Variants in DAPK1 observed in about 807,000 individuals in gnomAD.
DAPK1 encodes the protein death associated protein kinase 1, also known as death-associated protein kinase 1.
Under a neutral mutation model 144.9 loss-of-function variants are expected in DAPK1, and 56 were observed. The observed-to-expected ratio is 0.39, with a 90% CI of 0.31 to 0.48. The LOEUF (loss-of-function observed/expected upper bound fraction) is 0.48. Ranked by LOEUF, DAPK1 falls within the 20% of genes least tolerant of loss-of-function variation. The probability of loss-of-function intolerance (pLI) is 0.95; values close to 1 mark genes in which losing one functional copy is unlikely to be tolerated. For synonymous variants in DAPK1, 690 were observed against 749.0 expected, an observed-to-expected ratio of 0.92 and a Z score of 1.29; for missense variants, 1,454 against 1,875.4, an observed-to-expected ratio of 0.78 and a Z score of 4.15.
At chr9:87,589,507 A>C (rs1265913996) in intron 2 of DAPK1, among the ~76,000 whole-genome samples, 1 of 151,618 alleles carries the variant, frequency 6.6e-6, no homozygotes, top group Non-Finnish European at 1.5e-5. Flanking sequence ...GGGAGATTAC[A>C]CTTGTGTCAT....
At chr9:87,541,786 A>G (rs1213805338) in intron 2 of DAPK1, among the ~76,000 whole-genome samples, 1 of 152,182 alleles carries the variant, frequency 6.6e-6, no homozygotes, top group Non-Finnish European at 1.5e-5. Context: ...AGCAACAGAT[A>G]TTATGGTGAC....
At chr9:87,579,661 C>A (rs1827683288) in intron 2 of DAPK1, among the ~76,000 whole-genome samples, 1 of 152,096 alleles carries the variant, frequency 6.6e-6, no homozygotes, top group African/African-American at 2.4e-5. Flanking sequence ...TCTACTCTGG[C>A]CACACATTTA....
rs1297545523 is a variant in DAPK1 at position 87,699,363 on chromosome 9, TGCAACC to T, written c.2750+570_2750+575del. Among the ~76,000 whole-genome samples, 21 of 152,314 alleles carry T rather than the reference TGCAACC, an allele frequency of 1.4e-4. No homozygotes were observed. In the East Asian group the frequency reaches 3.9e-3, roughly 28 times the overall value. On this transcript the variant is annotated intron_variant, in intron 23 of 25. Coordinates refer to ENST00000408954, the MANE Select transcript of DAPK1 (RefSeq NM_004938.4). ...AATCAGTATGTCTTACAATATAAGT[TGCAACC>T]TACTAGTGAGTCTTAAAATTCATTT...
At chr9:87,498,697 C>T in intron 1 of DAPK1, 1 of 403,230 alleles carries the variant, frequency 2.5e-6, no homozygotes, top group Non-Finnish European at 4.4e-6. Context: ...CAGTCACTTC[C>T]GGAGCCGGTT....
At chr9:87,654,640 A>G (rs1830571747) in intron 17 of DAPK1, among the ~76,000 whole-genome samples, 1 of 152,170 alleles carries the variant, frequency 6.6e-6, no homozygotes, top group Non-Finnish European at 1.5e-5. Flanking sequence ...GTGTAATATG[A>G]AGTAGCATCA....
Position 87,497,938 on chromosome 9 carries a change from C to T in DAPK1, c.-278C>T, listed in dbSNP as rs1275993507. ...CTTTGTTCCCTCCGCGGAGGGGACT[C>T]GGCAACTCGCAGCGGCAGGGTCTGG... is the stretch of plus-strand genomic sequence containing the variant. On this transcript the variant is annotated 5_prime_UTR_variant, in exon 1 of 26. Coordinates refer to ENST00000408954, the MANE Select transcript of DAPK1 (RefSeq NM_004938.4). The T allele has an allele frequency of 7.6e-6, 3 of 396,384 alleles. No individual in the cohort carries two copies. Among genetic ancestry groups the T allele is most frequent in the Non-Finnish European group, 1.3e-5 (3 of 225,212 alleles). The allele number at this position is 396,384 out of a possible 1,614,324, so 24.6% of individuals were successfully genotyped here.
At chr9:87,694,190 C>A (rs574810948) in intron 21 of DAPK1, among the ~76,000 whole-genome samples, 1 of 152,160 alleles carries the variant, frequency 6.6e-6, no homozygotes, top group Non-Finnish European at 1.5e-5. Context: ...GCAATCTGTG[C>A]TGATGTTGGC....
intron 21 of DAPK1, among the ~76,000 whole-genome samples, chr9:87,696,377 T>A (rs1030043965): frequency 6.6e-6 from 1 of 152,236 alleles, no homozygotes; most frequent in Non-Finnish European, 1.5e-5. Context: ...ATGCTGTAGA[T>A]ATGTACGCGT....
chr9:87,551,802 C>T (rs1157707647), intron 2 of DAPK1, among the ~76,000 whole-genome samples: 3 of 152,104 alleles, frequency 2.0e-5, no homozygotes, highest in Admixed American at 6.5e-5. Context: ...AGAGAGTCAC[C>T]GTAGAGCCCA....
chr9:87,535,552 T>C (rs36231153), intron 2 of DAPK1, among the ~76,000 whole-genome samples: 28 of 152,308 alleles, frequency 1.8e-4, no homozygotes, highest in Admixed American at 6.5e-4. Flanking sequence ...TCCTTTAATG[T>C]AATACTGTCT....
Position 87,499,245 on chromosome 9 carries a change from C to G in DAPK1, c.62+106C>G, listed in dbSNP as rs544012919. The stretch of plus-strand genomic sequence containing the variant: ...GTTTGAATCAGGCGTCTCCCTCGCC[C>G]TTTCTGGAGATGCGCAAATCATAGA... On this transcript the variant is annotated intron_variant, in intron 2 of 25. Transcript: ENST00000408954. 8.4e-5 allele frequency: 85 copies of G among 1,011,506 alleles called. No individual in the cohort carries two copies. In the East Asian group the frequency reaches 2.1e-3, roughly 25 times the overall value. 62.7% of individuals were successfully genotyped at this position (1,011,506 alleles called of 1,614,324 possible).
intron 2 of DAPK1, among the ~76,000 whole-genome samples, chr9:87,535,732 T>G (rs368734859): frequency 2.0e-5 from 3 of 152,286 alleles, no homozygotes; most frequent in African/African-American, 7.2e-5. Flanking sequence ...AATCATTAGA[T>G]AAATATATAT....
intron 2 of DAPK1, among the ~76,000 whole-genome samples, chr9:87,522,457 C>T (rs1825333141): frequency 6.6e-6 from 1 of 152,070 alleles, no homozygotes; most frequent in Non-Finnish European, 1.5e-5. Flanking sequence ...GTTTTTTCAC[C>T]TCATAGCATA....
chr9:87,554,182 A>G (rs1415577629), intron 2 of DAPK1: 1 of 152,248 alleles, frequency 6.6e-6, no homozygotes, highest in African/African-American at 2.4e-5. Flanking sequence ...TGGGGAACTT[A>G]TAGTTCATAA....
chr9:87,667,634 A>G (rs1343165927), intron 18 of DAPK1: 1 of 152,198 alleles, frequency 6.6e-6, no homozygotes, highest in Admixed American at 6.5e-5. Context: ...TAGATTTCGG[A>G]TATCCCTAAG....
At chr9:87,581,246 C>T (rs970810465) in intron 2 of DAPK1, among the ~76,000 whole-genome samples, 1 of 152,132 alleles carries the variant, frequency 6.6e-6, no homozygotes, top group Admixed American at 6.5e-5. Flanking sequence ...CATAGTTGTG[C>T]CTTTGTTTTC....
rs201901217 is a variant in DAPK1 at position 87,648,886 on chromosome 9, C to T, written c.1428+7C>T. 118 of 1,611,406 alleles carry T rather than the reference C, an allele frequency of 7.3e-5. No individual in the cohort carries two copies. The highest frequency in any genetic ancestry group is 9.1e-5 in the Non-Finnish European group (107 of 1,177,622). Reference sequence around the variant, plus strand: ...TCCCAATATCCAGGACAAGGTGGGTCGTGACTGACATCCTCCCTTCCTCTG... The same window carrying T: ...TCCCAATATCCAGGACAAGGTGGGTTGTGACTGACATCCTCCCTTCCTCTG... On this transcript the variant is annotated splice_region_variant and intron_variant, in intron 15 of 25. Transcript: ENST00000408954.
At position 87,700,210 on chromosome 9, in the gene DAPK1, G is replaced by T; in HGVS notation, c.2844G>T (p.Leu948=). 1.9e-6 allele frequency: 3 copies of T among 1,610,722 alleles called. No homozygotes were observed. Among genetic ancestry groups the T allele is most frequent in the Non-Finnish European group, 1.7e-6 (2 of 1,176,872 alleles). ...SKDMKVLRNH[L]QEIRSQIVSV... ...ACATGAAGGTACTTCGAAATCATCT[G>T]CAAGAAATACGAAGCCAGATTGTTT... Residue 948 remains leucine (L), a synonymous_variant, in exon 24 of 26, where the codon CTG becomes CTT. Transcript: ENST00000408954.
chr9:87,518,935 T>C (rs988082504), intron 2 of DAPK1, among the ~76,000 whole-genome samples: 2 of 148,028 alleles, frequency 1.4e-5, no homozygotes, highest in African/African-American at 2.5e-5. Context: ...AAAAAAAAGA[T>C]TTACGTGTAG....
Sources: allele counts gnomAD v4.1 joint callset (sites outside exome capture counted in the v4.1 genomes callset), GRCh38; gene constraint gnomAD v4.1.1; transcripts MANE v1.5; gene names NCBI Gene and HGNC (gene_info 2026-07-23, HGNC 2026-07-21).